The following CAMK4 variants were observed in gnomAD, a reference collection of about 807,000 sequenced individuals.
CAMK4 encodes calcium/calmodulin dependent protein kinase IV.
In CAMK4, 22 loss-of-function variants were observed where a neutral mutation model predicts 44.9. The ratio of observed to expected loss-of-function variants is 0.49; its 90% CI spans 0.35 to 0.70. The LOEUF (loss-of-function observed/expected upper bound fraction) is 0.70. CAMK4 is among the 30% of genes least tolerant of loss of function. The pLI, the probability that CAMK4 is intolerant of heterozygous loss-of-function variation, is 0.01. For synonymous variants in CAMK4, 218 were observed against 215.4 expected (o/e 1.01, Z -0.11); for missense variants, 498 against 586.8 (o/e 0.85, Z 1.56).
At chr5:111,369,053 T>TATA (rs1442245540) in intron 2 of CAMK4, among the ~76,000 whole-genome samples, 24 of 148,818 alleles carry the variant, frequency 1.6e-4, no homozygotes, top group African/African-American at 2.7e-4. Context: ...ATAATAATAA[T>TATA]ATAATAATAA....
rs1751729611 is a variant in CAMK4 at position 111,389,630 on chromosome 5, C to T, written c.387-5080C>T. Among the ~76,000 whole-genome samples the T allele has an allele frequency of 3.9e-5, 6 of 152,296 alleles. No homozygotes were observed. The South Asian group carries it at 1.2e-3, about 32-fold the overall frequency. ...TGCCCTCTGGAAAAGTACTGCAAAGCAGCTGTGGTAAAGCTCTAGCCTGGG... is the reference window on the plus strand; with the variant it reads ...TGCCCTCTGGAAAAGTACTGCAAAGTAGCTGTGGTAAAGCTCTAGCCTGGG... On this transcript the variant is annotated intron_variant, in intron 4 of 10. Coordinates refer to ENST00000282356, the MANE Select transcript of CAMK4 (RefSeq NM_001744.6).
chr5:111,265,917 C>T (rs1750219568), intron 1 of CAMK4: 1 of 152,140 alleles, frequency 6.6e-6, no homozygotes, highest in Non-Finnish European at 1.5e-5. Context: ...TGAGCTGCAG[C>T]ATCAGCATAA....
intron 5 of CAMK4, among the ~76,000 whole-genome samples, chr5:111,443,279 TACACACACACAC>T (rs60644060): frequency 1.5e-3 from 57 of 37,476 alleles, no homozygotes; most frequent in African/African-American, 2.2e-3. Flanking sequence ...TATATATATA[TACACACACACAC>T]ACACACACAC....
chr5:111,278,972 A>G (rs529960048), intron 1 of CAMK4, among the ~76,000 whole-genome samples: 1 of 152,338 alleles, frequency 6.6e-6, no homozygotes, highest in East Asian at 1.9e-4. Flanking sequence ...GGGTACCGCA[A>G]TACAACCTCT....
chr5:111,427,366 C>T lies in CAMK4; in HGVS notation c.460-19320C>T, dbSNP rs550860493. Among the ~76,000 whole-genome samples, 221 of 152,316 alleles carry T rather than the reference C, an allele frequency of 1.5e-3. 1 individual carries two copies. Among genetic ancestry groups the T allele is most frequent in the African/African-American group, 4.9e-3 (203 of 41,568 alleles). On this transcript the variant is annotated intron_variant, in intron 5 of 10. Transcript: ENST00000282356. ...AGCCACCAGCAATACATGGGTACTA[C>T]GTCAAGGACCTTAGCCTGTGAAAGT...
intron 1 of CAMK4, among the ~76,000 whole-genome samples, chr5:111,252,738 AT>A (rs771780407): frequency 2.6e-5 from 4 of 152,160 alleles, no homozygotes; most frequent in Non-Finnish European, 4.4e-5. Flanking sequence ...GACTCACTAC[AT>A]TTTTCCTGGA....
intron 1 of CAMK4, among the ~76,000 whole-genome samples, chr5:111,326,430 TAAGTA>T (rs1321005318): frequency 6.6e-6 from 1 of 151,950 alleles, no homozygotes; most frequent in Non-Finnish European, 1.5e-5. Context: ...TTATATCTGT[TAAGTA>T]AATACATTTT....
intron 4 of CAMK4, among the ~76,000 whole-genome samples, chr5:111,384,722 C>T (rs1051944584): frequency 3.9e-5 from 6 of 152,124 alleles, no homozygotes; most frequent in South Asian, 4.2e-4. Flanking sequence ...TTCCCTTTCC[C>T]AGTGCTTCTG....
chr5:111,226,324 A>G (rs1350154724), intron 1 of CAMK4, among the ~76,000 whole-genome samples: 1 of 152,230 alleles, frequency 6.6e-6, no homozygotes, highest in Non-Finnish European at 1.5e-5. Flanking sequence ...CCTGCATAGG[A>G]AAAAACTGAG....
chr5:111,421,851 A>C (rs1021372309), intron 5 of CAMK4, among the ~76,000 whole-genome samples: 1 of 152,140 alleles, frequency 6.6e-6, no homozygotes, highest in Admixed American at 6.5e-5. Context: ...CATGGGGTCA[A>C]GTTTTTCCCA....
intron 1 of CAMK4, among the ~76,000 whole-genome samples, chr5:111,294,242 C>A (rs1051109361): frequency 6.6e-6 from 1 of 152,068 alleles, no homozygotes; most frequent in African/African-American, 2.4e-5. Context: ...TTAAGAACTG[C>A]ACAGATGATT....
chr5:111,264,086 A>G (rs896077443), intron 1 of CAMK4, among the ~76,000 whole-genome samples: 2 of 151,894 alleles, frequency 1.3e-5, no homozygotes, highest in Non-Finnish European at 1.5e-5. Context: ...TTGCTACCCA[A>G]TTTTTGAATG....
chr5:111,414,341 A>G (rs1436242143), intron 5 of CAMK4, among the ~76,000 whole-genome samples: 3 of 152,140 alleles, frequency 2.0e-5, no homozygotes, highest in African/African-American at 7.2e-5. Flanking sequence ...CTTAGACTAA[A>G]CTGCAGCATC....
chr5:111,300,728 G>C (rs1747684480), intron 1 of CAMK4, among the ~76,000 whole-genome samples: 1 of 152,110 alleles, frequency 6.6e-6, no homozygotes, highest in Admixed American at 6.5e-5. Context: ...AAATTGGCTG[G>C]AGAGAGATGT....
At chr5:111,455,803 A>G (rs1580777015) in intron 7 of CAMK4, among the ~76,000 whole-genome samples, 1 of 152,328 alleles carries the variant, frequency 6.6e-6, no homozygotes, top group East Asian at 1.9e-4. Context: ...TAGGCTTGGA[A>G]GTCAGATGGC....
intron 1 of CAMK4, among the ~76,000 whole-genome samples, chr5:111,237,038 G>A (rs188710936): frequency 2.0e-5 from 3 of 152,258 alleles, no homozygotes; most frequent in East Asian, 1.9e-4. Context: ...TGTTCAGTAC[G>A]TGTCTCCCTC....
intron 2 of CAMK4, among the ~76,000 whole-genome samples, chr5:111,372,289 G>A (rs424940): frequency 0.88 from 133,619 of 152,100 alleles, 58,909 homozygotes; most frequent in East Asian, 1. Flanking sequence ...AGGGAACCAA[G>A]CCTCCCATCT....
At chr5:111,239,330 A>C (rs1311729669) in intron 1 of CAMK4, among the ~76,000 whole-genome samples, 1 of 151,974 alleles carries the variant, frequency 6.6e-6, no homozygotes, top group Non-Finnish European at 1.5e-5. Context: ...TAACCTTGTC[A>C]GTGTTTCTTT....
intron 7 of CAMK4, among the ~76,000 whole-genome samples, chr5:111,467,934 TCACACACACACACA>T (rs60254627): frequency 2.8e-5 from 4 of 143,460 alleles, no homozygotes; most frequent in African/African-American, 5.2e-5. Flanking sequence ...AAAGAAATTG[TCACACACACACACA>T]CACACACACA....
Sources: gnomAD v4.1 joint callset for allele counts (sites outside exome capture counted in the v4.1 genomes callset) on GRCh38, gnomAD v4.1.1 for gene constraint, MANE v1.5 for transcripts, NCBI Gene and HGNC (gene_info 2026-07-23, HGNC 2026-07-21) for gene names.